The following MAST4 variants were observed in gnomAD, a reference collection of about 807,000 sequenced individuals.
MAST4 encodes microtubule associated serine/threonine kinase family member 4, also known as microtubule-associated serine/threonine-protein kinase 4.
MAST4 carries 89 observed loss-of-function variants against 162.7 expected under a neutral mutation model. That is an observed-to-expected ratio of 0.55 (90% CI 0.46 to 0.65). MAST4 has a LOEUF of 0.65. Among genes scored for constraint, MAST4 ranks in the 30% least tolerant of loss-of-function variants. The pLI, the probability that MAST4 is intolerant of heterozygous loss-of-function variation, is 0.00. For missense variants in MAST4, 3,153 were observed against 3,374.0 expected, an observed-to-expected ratio of 0.93 and a Z score of 1.62; for synonymous variants, 1,479 against 1,361.1, an observed-to-expected ratio of 1.09 and a Z score of -1.91.
At chr5:66,859,761 A>G (rs1416262416) in intron 3 of MAST4, among the ~76,000 whole-genome samples, 1 of 152,256 alleles carries the variant, frequency 6.6e-6, no homozygotes, top group East Asian at 1.9e-4. Context: ...AGCACGGTCC[A>G]TGAGCATCTC....
At chr5:66,960,833 A>T (rs1388482887) in intron 4 of MAST4, among the ~76,000 whole-genome samples, 1 of 152,084 alleles carries the variant, frequency 6.6e-6, no homozygotes, top group African/African-American at 2.4e-5. Flanking sequence ...CAAACATTCC[A>T]TTTTATGATT....
Position 66,736,382 on chromosome 5 carries a change from G to GAC in MAST4, c.364-23307_364-23306dup, listed in dbSNP as rs34859042. Among the ~76,000 whole-genome samples the GAC allele has an allele frequency of 4.1e-3, 584 of 144,182 alleles. 3 individuals carry two copies. The highest frequency in any genetic ancestry group is 9.2e-3 in the Admixed American group (131 of 14,180). The allele number at this position is 144,182 out of a possible 152,430, so 94.6% of individuals were successfully genotyped here. A position where few individuals can be genotyped will look rare whatever the true frequency, so the allele number is the denominator to read the frequency against. On this transcript the variant is annotated intron_variant, in intron 1 of 28. Transcript: ENST00000403625. Reference sequence around the variant, plus strand: ...CCTTATATGTGCCTCTTAGCCTGCTGACACACACACACACACACACAACTG... The same window carrying GAC: ...CCTTATATGTGCCTCTTAGCCTGCTGACACACACACACACACACACACAACTG...
At position 67,169,188 on chromosome 5, in the gene MAST4, A is replaced by G. The variant is rs1431772804; in HGVS notation, c.*2137A>G. The G allele has an allele frequency of 2.6e-5, 4 of 152,230 alleles. No homozygotes were observed. The highest frequency in any genetic ancestry group is 5.9e-5 in the Non-Finnish European group (4 of 68,048). 9.4% of individuals were successfully genotyped at this position (152,230 alleles called of 1,614,324 possible). On this transcript the variant is annotated 3_prime_UTR_variant, in exon 29 of 29. Transcript: ENST00000403625. ...TTTTTAACTGTCCAATTTCCTTTAA[A>G]GCACAACTAGCTATTTGTTTACAAA...
At position 66,839,052 on chromosome 5, in the gene MAST4, G is replaced by A. The variant is rs1053076166; in HGVS notation, c.642+50258G>A. 7.2e-5 allele frequency among the ~76,000 whole-genome samples: 11 copies of A among 152,270 alleles called. 1 individual carries two copies. Among genetic ancestry groups the A allele is most frequent in the Admixed American group, 7.2e-4 (11 of 15,278 alleles). On this transcript the variant is annotated intron_variant, in intron 3 of 28. Transcript: ENST00000403625. Reference sequence around the variant, plus strand: ...TGAGGAGGTGGTAGATGATGCTGCTGGACCGAGGTGGTGACAGTGAAATGG... The same window carrying A: ...TGAGGAGGTGGTAGATGATGCTGCTAGACCGAGGTGGTGACAGTGAAATGG...
intron 3 of MAST4, among the ~76,000 whole-genome samples, chr5:66,816,212 A>AT (rs950475800): frequency 1.1e-4 from 16 of 149,670 alleles, no homozygotes; most frequent in South Asian, 6.4e-4. Flanking sequence ...ACATTATGAG[A>AT]TTTTTTTTTG....
chr5:66,809,121 T>C (rs879886218), intron 3 of MAST4, among the ~76,000 whole-genome samples: 3 of 152,208 alleles, frequency 2.0e-5, no homozygotes, highest in Non-Finnish European at 4.4e-5. Flanking sequence ...TTTTTCTTTC[T>C]TGATGCCTTT....
At chr5:66,649,062 C>T (rs951018434) in intron 1 of MAST4, among the ~76,000 whole-genome samples, 17 of 152,216 alleles carry the variant, frequency 1.1e-4, no homozygotes, top group African/African-American at 4.1e-4. Flanking sequence ...GTGGTGGTCT[C>T]CAAATGCCTG....
intron 26 of MAST4, among the ~76,000 whole-genome samples, chr5:67,159,442 T>C (rs1418266917): frequency 6.6e-6 from 1 of 152,224 alleles, no homozygotes; most frequent in African/African-American, 2.4e-5. Context: ...ATTCCCTGTC[T>C]TTTCAGTCCT....
intron 4 of MAST4, among the ~76,000 whole-genome samples, chr5:66,964,583 C>T (rs1017106109): frequency 4.6e-5 from 7 of 152,172 alleles, no homozygotes; most frequent in African/African-American, 1.7e-4. Flanking sequence ...GGGCAGATCA[C>T]GAAGTCAGGA....
In MAST4 at chr5:66,791,478, C is replaced by T. The variant is rs555101235; in HGVS notation, c.642+2684C>T. Among the ~76,000 whole-genome samples the T allele has an allele frequency of 6.6e-5, 10 of 152,294 alleles. No individual in the cohort carries two copies. In the South Asian group the frequency reaches 2.1e-3, roughly 32 times the overall value. ...TTAATAGAAAACATGAGAAGAGTACCTCCCAAAATCTATCAGATGACATTG... is the reference window on the plus strand; with the variant it reads ...TTAATAGAAAACATGAGAAGAGTACTTCCCAAAATCTATCAGATGACATTG... On this transcript the variant is annotated intron_variant, in intron 3 of 28. Transcript: ENST00000403625.
chr5:66,696,844 T>A (rs1749437221), intron 1 of MAST4, among the ~76,000 whole-genome samples: 1 of 152,230 alleles, frequency 6.6e-6, no homozygotes, highest in Admixed American at 6.5e-5. Context: ...TACTAGTAGT[T>A]ATTGCATCCT....
At chr5:66,928,254 A>G (rs180871565) in intron 4 of MAST4, among the ~76,000 whole-genome samples, 11 of 152,276 alleles carry the variant, frequency 7.2e-5, no homozygotes, top group East Asian at 3.9e-4. Flanking sequence ...ACATGGCCCA[A>G]TTGAGCATGT....
chr5:66,757,555 A>G (rs531391817), intron 1 of MAST4, among the ~76,000 whole-genome samples: 14 of 152,314 alleles, frequency 9.2e-5, no homozygotes, highest in Admixed American at 2.6e-4. Flanking sequence ...GAGACACCTT[A>G]TAAGACTACA....
intron 27 of MAST4, 28 bp downstream of exon 27, chr5:67,160,620 T>C (rs1394020841): frequency 6.2e-7 from 1 of 1,610,018 alleles, no homozygotes; most frequent in African/African-American, 1.3e-5. Context: ...TCTTTTTAAG[T>C]TTGGTGTATA....
At chr5:66,859,189 A>T (rs1759905517) in intron 3 of MAST4, among the ~76,000 whole-genome samples, 1 of 152,144 alleles carries the variant, frequency 6.6e-6, no homozygotes, top group Non-Finnish European at 1.5e-5. Context: ...CAGCAATATA[A>T]CGCTTCTTAT....
intron 4 of MAST4, among the ~76,000 whole-genome samples, chr5:67,039,765 C>T (rs148881602): frequency 0.018 from 2,776 of 152,278 alleles, 41 homozygotes; most frequent in Middle Eastern, 0.054. Flanking sequence ...TCTTTCTACA[C>T]ACAGATCCCT....
intron 3 of MAST4, among the ~76,000 whole-genome samples, chr5:66,835,718 T>C (rs765983320): frequency 9.9e-5 from 15 of 152,224 alleles, no homozygotes; most frequent in Non-Finnish European, 1.9e-4. Flanking sequence ...TTGAAACTTA[T>C]ATTTCAAATA....
rs1351015842 is a variant in MAST4, at chr5:67,166,354, C to T, written c.7175C>T (p.Ser2392Phe). Reference sequence around the variant, plus strand: ...GGCGACAAGCTCGAGGCCGGCCTTTCCTTTGTGCATAGCGAGAACCGGTTG... The same window carrying T: ...GGCGACAAGCTCGAGGCCGGCCTTTTCTTTGTGCATAGCGAGAACCGGTTG... ...AEGDKLEAGL[S>F]FVHSENRLKG... The change falls in exon 29 of 29, where the codon TCC (serine) becomes TTC (phenylalanine). Residue 2392 changes from serine (S) to phenylalanine (F), a missense_variant. Around this residue, in one of 7 missense-constraint regions of MAST4, gnomAD observed 1,644 missense variants for 1,495.0 expected, o/e 1.10. Coordinates refer to ENST00000403625, the MANE Select transcript of MAST4 (RefSeq NM_001164664.2). 1 of 1,610,176 alleles carries T rather than the reference C, an allele frequency of 6.2e-7. No homozygotes were observed. Among genetic ancestry groups the T allele is most frequent in the Non-Finnish European group, 8.5e-7 (1 of 1,178,262 alleles).
chr5:67,040,624 A>G (rs1039711201), intron 4 of MAST4, among the ~76,000 whole-genome samples: 9 of 152,180 alleles, frequency 5.9e-5, no homozygotes, highest in African/African-American at 2.2e-4. Flanking sequence ...AGCTTGAACT[A>G]TCTCTTGTAC....
Sources: gnomAD v4.1 joint callset for allele counts (sites outside exome capture counted in the v4.1 genomes callset) on GRCh38, gnomAD v4.1.1 for gene constraint, gnomAD v4.1.1 regional missense constraint, MANE v1.5 for transcripts, NCBI Gene and HGNC (gene_info 2026-07-23, HGNC 2026-07-21) for gene names.